The following THADA variants were observed in gnomAD, a reference collection of about 807,000 sequenced individuals.
The protein encoded by THADA is tRNA (32-2'-O)-methyltransferase regulator THADA.
A neutral mutation model predicts 219.8 loss-of-function variants in THADA; 213 were observed. That is an observed-to-expected ratio of 0.97 (90% CI 0.87 to 1.09). The LOEUF (loss-of-function observed/expected upper bound fraction) is 1.09. THADA is among the 50% of genes least tolerant of loss of function. THADA has a pLI of 0.00. For synonymous variants in THADA, 1,018 were observed against 828.9 expected (o/e 1.23, Z -3.92); for missense variants, 2,956 against 2,311.3 (o/e 1.28, Z -5.72).
chr2:43,471,605 T>C (rs1684912495), intron 26 of THADA, among the ~76,000 whole-genome samples: 2 of 152,182 alleles, frequency 1.3e-5, no homozygotes, highest in African/African-American at 2.4e-5. Flanking sequence ...GGGAAACCTC[T>C]TGTAAACAGC....
In THADA at chr2:43,256,133, A is replaced by G. The variant is rs189059388; in HGVS notation, c.5297-23251T>C. Among the ~76,000 whole-genome samples the G allele has an allele frequency of 9.8e-4, 150 of 152,322 alleles. 2 individuals are homozygous for G. Among genetic ancestry groups the G allele is most frequent in the African/African-American group, 3.3e-3 (139 of 41,566 alleles). On this transcript the variant is annotated intron_variant, in intron 36 of 37. Transcript: ENST00000405975. ...ACCTGGATGTTCATGAATCCAAGAT[A>G]GAAGGAATAAAAACACTCCTCCCAA...
intron 35 of THADA, among the ~76,000 whole-genome samples, chr2:43,281,043 G>A (rs1219872669): frequency 6.6e-6 from 1 of 152,144 alleles, no homozygotes; most frequent in African/African-American, 2.4e-5. Context: ...GGTTATCACT[G>A]GAGGGCCATG....
chr2:43,462,111 T>C (rs187355108), intron 26 of THADA, among the ~76,000 whole-genome samples: 1 of 152,288 alleles, frequency 6.6e-6, no homozygotes, highest in Admixed American at 6.5e-5. Flanking sequence ...TTGATTACTA[T>C]AGAGATGCCA....
At chr2:43,288,559 G>A (rs897889091) in intron 34 of THADA, among the ~76,000 whole-genome samples, 5 of 152,214 alleles carry the variant, frequency 3.3e-5, no homozygotes, top group African/African-American at 4.8e-5. Context: ...GATACACAGG[G>A]AGAGGTCCAG....
chr2:43,279,979 G>A (rs1387427903), intron 35 of THADA, 83 bp from the exon 36 acceptor site: 5 of 1,317,526 alleles, frequency 3.8e-6, no homozygotes, highest in Non-Finnish European at 5.0e-6. Flanking sequence ...CCTGGTGGAA[G>A]AGAGGAGCAT....
At chr2:43,484,366 C>T (rs1213601390) in intron 26 of THADA, 1 of 168,974 alleles carries the variant, frequency 5.9e-6, no homozygotes, top group African/African-American at 2.4e-5. Flanking sequence ...AAATATGAAG[C>T]ATAATGACTT....
At chr2:43,569,742 G>C (rs368779208) in intron 14 of THADA, among the ~76,000 whole-genome samples, 6 of 152,034 alleles carry the variant, frequency 3.9e-5, no homozygotes, top group African/African-American at 1.4e-4. Flanking sequence ...TTCTGTCTGG[G>C]CCTGAGGAGC....
intron 7 of THADA, 22 bp downstream of exon 7, chr2:43,586,379 A>G: frequency 1.3e-6 from 2 of 1,557,988 alleles, no homozygotes; most frequent in Non-Finnish European, 8.7e-7. Context: ...TGCACACACA[A>G]ATGCCAACAT....
At chr2:43,556,309 C>G (rs1019894015) in intron 17 of THADA, 36 bp downstream of exon 17, 1 of 1,606,568 alleles carries the variant, frequency 6.2e-7, no homozygotes, top group Non-Finnish European at 8.5e-7. Context: ...TGAGACTAAG[C>G]TATTCGTTTT....
chr2:43,324,021 A>T (rs1453144922), intron 30 of THADA, among the ~76,000 whole-genome samples: 1 of 152,156 alleles, frequency 6.6e-6, no homozygotes, highest in Non-Finnish European at 1.5e-5. Flanking sequence ...TCCTTAGTGT[A>T]ATAATTGACT....
chr2:43,334,963 C>G (rs1045956239), intron 30 of THADA, among the ~76,000 whole-genome samples: 1 of 152,126 alleles, frequency 6.6e-6, no homozygotes, highest in African/African-American at 2.4e-5. Context: ...CCTCAGCCCT[C>G]TCCTGTAGCT....
At chr2:43,590,158 T>G (rs933255085) in intron 4 of THADA, among the ~76,000 whole-genome samples, 1 of 152,190 alleles carries the variant, frequency 6.6e-6, no homozygotes, top group Non-Finnish European at 1.5e-5. Context: ...TTATTTTGTA[T>G]AGTTCTATAT....
chr2:43,510,752 C>T (rs920126980), intron 22 of THADA, among the ~76,000 whole-genome samples: 3 of 151,194 alleles, frequency 2.0e-5, no homozygotes, highest in Non-Finnish European at 2.9e-5. Context: ...GGGAGGATCA[C>T]CTGAGGTCAG....
At chr2:43,397,628 G>T (rs567419541) in intron 29 of THADA, among the ~76,000 whole-genome samples, 1 of 151,758 alleles carries the variant, frequency 6.6e-6, no homozygotes, top group African/African-American at 2.4e-5. Context: ...GTTTCACTCG[G>T]AATAGGTAGT....
Position 43,571,845 on chromosome 2 carries a change from T to G in THADA, c.1926A>C (p.Leu642Phe). Residue 642 changes from leucine (L) to phenylalanine (F), a missense_variant, in exon 13 of 38, where the codon TTA becomes TTC. Physicochemically the swap from Leu to Phe is conservative, Grantham distance 22. Coordinates refer to ENST00000405975, the MANE Select transcript of THADA (RefSeq NM_022065.5). Reference sequence around the variant, plus strand: ...TCCGATTACTTTCACAAAGCAAGCCTAATGTATCTATCCTTACCTAAAAAA... The same window carrying G: ...TCCGATTACTTTCACAAAGCAAGCCGAATGTATCTATCCTTACCTAAAAAA... Reference protein sequence around the residue: ...HQHCQVRIDTLGLLCESNRST... With the variant: ...HQHCQVRIDTFGLLCESNRST... 6.2e-7 allele frequency: 1 copy of G among 1,613,872 alleles called. No homozygotes were observed. The highest frequency in any genetic ancestry group is 8.5e-7 in the Non-Finnish European group (1 of 1,179,832).
chr2:43,581,441 A>C (rs1425722362), intron 8 of THADA, among the ~76,000 whole-genome samples: 1 of 151,876 alleles, frequency 6.6e-6, no homozygotes, highest in Non-Finnish European at 1.5e-5. Context: ...GAGGCACGAG[A>C]ATCGCTTGAA....
chr2:43,232,638 G>C (rs1216063441), intron 37 of THADA, 75 bp downstream of exon 37: 70 of 1,489,788 alleles, frequency 4.7e-5, no homozygotes, highest in Non-Finnish European at 6.4e-5. Context: ...GCCCAGCTGA[G>C]GCTGTAGGTG....
At chr2:43,239,839 ACCAACTCACCACCCATCCAC>A (rs548026559) in intron 36 of THADA, among the ~76,000 whole-genome samples, 74 of 152,204 alleles carry the variant, frequency 4.9e-4, no homozygotes, top group Non-Finnish European at 8.7e-4. Context: ...CTGCCATCCA[ACCAACTCACCACCCATCCAC>A]CCACTCACCC....
chr2:43,286,385 T>G (rs1674006808), intron 35 of THADA, among the ~76,000 whole-genome samples: 1 of 152,164 alleles, frequency 6.6e-6, no homozygotes, highest in African/African-American at 2.4e-5. Context: ...TTGCATTTCA[T>G]AAAGAGGCTC....
Sources: allele counts gnomAD v4.1 joint callset (sites outside exome capture counted in the v4.1 genomes callset), GRCh38; gene constraint gnomAD v4.1.1; transcripts MANE v1.5; gene names NCBI Gene and HGNC (gene_info 2026-07-23, HGNC 2026-07-21).